TMEM217: variants seen among roughly 807,000 people sequenced by gnomAD.
TMEM217 encodes chromosome 6 open reading frame 128.
For synonymous variants in TMEM217, 76 were observed against 88.3 expected, an observed-to-expected ratio of 0.86 and a Z score of 0.78; for missense variants, 204 against 248.8, an observed-to-expected ratio of 0.82 and a Z score of 1.21.
chr6:37,241,700 A>G (rs1764777593), intron 1 of TMEM217, among the ~76,000 whole-genome samples: 1 of 152,234 alleles, frequency 6.6e-6, no homozygotes, highest in Non-Finnish European at 1.5e-5. Flanking sequence ...GGCAATATCC[A>G]GGCCAATTTA....
intron 1 of TMEM217, among the ~76,000 whole-genome samples, chr6:37,254,922 C>G (rs1765630784): frequency 6.6e-6 from 1 of 152,132 alleles, no homozygotes; most frequent in African/African-American, 2.4e-5. Context: ...GCATTAGATT[C>G]TCATAAGGAG....
chr6:37,239,635 G>C (rs1408256085), intron 1 of TMEM217, among the ~76,000 whole-genome samples: 1 of 152,046 alleles, frequency 6.6e-6, no homozygotes, highest in Non-Finnish European at 1.5e-5. Context: ...CTCAATCATG[G>C]TAAGAACTTT....
At chr6:37,215,731 G>A (rs1452468223), downstream of TMEM217, among the ~76,000 whole-genome samples, 1 of 152,100 alleles carries the variant, frequency 6.6e-6, no homozygotes, top group Admixed American at 6.5e-5. Flanking sequence ...AGGCTTTCTG[G>A]AGTAGGCAAT....
chr6:37,231,082 G>A (rs1463911136), intron 1 of TMEM217, among the ~76,000 whole-genome samples: 1 of 151,752 alleles, frequency 6.6e-6, no homozygotes. Flanking sequence ...TTCTTTTTGA[G>A]ATGGAGTCTT....
rs755752365 is a variant in TMEM217, at chr6:37,226,281, C to CTTTTTTTTTTTT, written c.-11-7252_-11-7241dup. 4.0e-5 allele frequency among the ~76,000 whole-genome samples: 3 copies of CTTTTTTTTTTTT among 74,892 alleles called. 1 individual carries two copies. The highest frequency in any genetic ancestry group is 7.4e-4 in the East Asian group (2 of 2,690). The allele number at this position is 74,892 out of a possible 152,430, so 49.1% of individuals were successfully genotyped here. A position where few individuals can be genotyped will look rare whatever the true frequency, so the allele number is the denominator to read the frequency against. ...TTTTATTTTGTTTTTTTGAGACAGT[C>CTTTTTTTTTTTT]TTTTTTTTTTTTTTTTTTTTTTTTT... On this transcript the variant is annotated intron_variant, in intron 1 of 1. Transcript: ENST00000357219.
chr6:37,220,492 C>T (rs2113817950), intron 1 of TMEM217, among the ~76,000 whole-genome samples: 1 of 152,024 alleles, frequency 6.6e-6, no homozygotes. Context: ...TTGTTAACTA[C>T]ACTGAGCAGG....
intron 1 of TMEM217, among the ~76,000 whole-genome samples, chr6:37,235,507 A>G (rs1250114749): frequency 1.3e-5 from 2 of 152,092 alleles, no homozygotes; most frequent in African/African-American, 4.8e-5. Context: ...CTGGGACTAC[A>G]GGCACCCGCC....
Position 37,225,712 on chromosome 6 carries a change from T to C in TMEM217, c.-11-6671A>G, listed in dbSNP as rs1763785088. ...TGTCTCCCAACATTCATTTCTCCCT[T>C]TTCACTTTTACCTTTAGCTAGACAC... On this transcript the variant is annotated intron_variant, in intron 1 of 1. Coordinates refer to ENST00000357219, the Ensembl canonical transcript of TMEM217. 1.3e-5 allele frequency among the ~76,000 whole-genome samples: 2 copies of C among 152,256 alleles called. 1 individual carries two copies. Among genetic ancestry groups the C allele is most frequent in the South Asian group, 4.1e-4 (2 of 4,836 alleles).
At chr6:37,253,998 G>T (rs560187268) in intron 1 of TMEM217, among the ~76,000 whole-genome samples, 60 of 152,144 alleles carry the variant, frequency 3.9e-4, no homozygotes, top group Middle Eastern at 3.4e-3. Context: ...ATGAAGTTGA[G>T]GGGGGGAAAG....
At chr6:37,250,678 ATCTC>A (rs1457367267) in intron 1 of TMEM217, among the ~76,000 whole-genome samples, 1 of 152,246 alleles carries the variant, frequency 6.6e-6, no homozygotes, top group Non-Finnish European at 1.5e-5. Flanking sequence ...ACAACCAAGT[ATCTC>A]TCTCAGGCGT....
At chr6:37,214,751 A>G (rs1399398683), downstream of TMEM217, among the ~76,000 whole-genome samples, 1 of 152,116 alleles carries the variant, frequency 6.6e-6, no homozygotes, top group East Asian at 1.9e-4. Flanking sequence ...AAATATTCTT[A>G]TACTTTATTC....
At chr6:37,242,395 C>T (rs774689099) in intron 1 of TMEM217, among the ~76,000 whole-genome samples, 31 of 152,250 alleles carry the variant, frequency 2.0e-4, no homozygotes, top group Non-Finnish European at 4.0e-4. Flanking sequence ...CAAATCAGCA[C>T]TCCCTACTCA....
chr6:37,231,756 T>TTA (rs1381762715), intron 1 of TMEM217, among the ~76,000 whole-genome samples: 3 of 147,986 alleles, frequency 2.0e-5, no homozygotes, highest in Non-Finnish European at 3.0e-5. Context: ...TATTATGTTA[T>TTA]TATATATAAT....
At chr6:37,225,210 A>G (rs186832272) in intron 1 of TMEM217, among the ~76,000 whole-genome samples, 1 of 152,260 alleles carries the variant, frequency 6.6e-6, no homozygotes, top group African/African-American at 2.4e-5. Flanking sequence ...AAAAAAAGAA[A>G]AAAAAATTAC....
chr6:37,256,753 G>T (rs1765764679), intron 1 of TMEM217, among the ~76,000 whole-genome samples: 1 of 137,664 alleles, frequency 7.3e-6, no homozygotes, highest in South Asian at 2.8e-4. Context: ...GGTGGGGGTG[G>T]GGGTGGGGGA....
chr6:37,221,333 T>TGCA (rs1337085078), intron 1 of TMEM217, among the ~76,000 whole-genome samples: 4 of 151,876 alleles, frequency 2.6e-5, no homozygotes, highest in Non-Finnish European at 5.9e-5. Context: ...ACTACAGGAG[T>TGCA]GCACCACCAC....
At chr6:37,228,593 A>G (rs1030153929) in intron 1 of TMEM217, among the ~76,000 whole-genome samples, 7 of 152,124 alleles carry the variant, frequency 4.6e-5, no homozygotes, top group Admixed American at 2.0e-4. Context: ...AGTCCCAGAT[A>G]CTCGGGAGGC....
chr6:37,256,641 T>C (rs1765751407), intron 1 of TMEM217, among the ~76,000 whole-genome samples: 1 of 151,374 alleles, frequency 6.6e-6, no homozygotes, highest in Non-Finnish European at 1.5e-5. Context: ...AAACCGTCGT[T>C]GGAGGACATA....
intron 1 of TMEM217, among the ~76,000 whole-genome samples, chr6:37,231,664 T>G (rs1286089095): frequency 7.6e-6 from 1 of 132,268 alleles, no homozygotes; most frequent in Non-Finnish European, 1.6e-5. Context: ...AGAGTGAGAC[T>G]CCATCTCAAA....
Sources: allele counts gnomAD v4.1 joint callset (sites outside exome capture counted in the v4.1 genomes callset), GRCh38; gene constraint gnomAD v4.1.1; transcripts MANE v1.5; gene names NCBI Gene and HGNC (gene_info 2026-07-23, HGNC 2026-07-21).